Variants in TFEB observed in about 807,000 individuals in gnomAD.
TFEB encodes the protein T-cell transcription factor EB.
Under a neutral mutation model 48.0 loss-of-function variants are expected in TFEB, and 12 were observed. That is an observed-to-expected ratio of 0.25 (90% CI 0.16 to 0.40). TFEB has a LOEUF of 0.40. TFEB is among the 10% of genes least tolerant of loss of function. The pLI, the probability that TFEB is intolerant of heterozygous loss-of-function variation, is 1.00. For missense variants in TFEB, 509 were observed against 640.3 expected (o/e 0.79, Z 2.21); for synonymous variants, 244 against 261.4 (o/e 0.93, Z 0.64).
chr6:41,733,636 T>A (rs1464750457), intron 1 of TFEB: 1 of 985,238 alleles, frequency 1.0e-6, no homozygotes, highest in Non-Finnish European at 1.2e-6. Flanking sequence ...GTCCTGGGGC[T>A]GGGGTCACCG....
chr6:41,701,111 CTCTT>C (rs1769896495), intron 1 of TFEB, among the ~76,000 whole-genome samples: 1 of 152,276 alleles, frequency 6.6e-6, no homozygotes, highest in Non-Finnish European at 1.5e-5. Flanking sequence ...GTGTCTGCTT[CTCTT>C]TCTCTCTTCT....
chr6:41,690,634 G>A, intron 3 of TFEB, 29 bp downstream of exon 3: 1 of 1,497,364 alleles, frequency 6.7e-7, no homozygotes, highest in Non-Finnish European at 8.9e-7. Context: ...TCTGCAAGCA[G>A]CATGGCCACT....
intron 8 of TFEB, among the ~76,000 whole-genome samples, chr6:41,685,733 G>A (rs1048702752): frequency 6.6e-6 from 1 of 152,212 alleles, no homozygotes; most frequent in Non-Finnish European, 1.5e-5. Context: ...TGAGGTTAGA[G>A]TACTTGTAGA....
At chr6:41,714,149 G>A (rs1318852279) in intron 1 of TFEB, among the ~76,000 whole-genome samples, 1 of 146,368 alleles carries the variant, frequency 6.8e-6, no homozygotes, top group Non-Finnish European at 1.5e-5. Context: ...GCGTGTGTGT[G>A]CATGTGCATG....
chr6:41,726,071 T>C (rs928675861), intron 1 of TFEB, among the ~76,000 whole-genome samples: 3 of 152,140 alleles, frequency 2.0e-5, no homozygotes, highest in Non-Finnish European at 2.9e-5. Flanking sequence ...ATCGCGCCAC[T>C]GCACTCCAGC....
chr6:41,729,624 C>T (rs1005408856), intron 1 of TFEB, among the ~76,000 whole-genome samples: 5 of 152,190 alleles, frequency 3.3e-5, no homozygotes, highest in African/African-American at 9.7e-5. Flanking sequence ...CTTGTTTGTC[C>T]GCCTCATCCT....
chr6:41,696,550 C>T (rs974976108), intron 1 of TFEB, among the ~76,000 whole-genome samples: 10 of 151,900 alleles, frequency 6.6e-5, no homozygotes, highest in Admixed American at 2.0e-4. Context: ...AAAAATTAGC[C>T]GGGCGTGGTG....
chr6:41,733,847 C>T, intron 1 of TFEB: 1 of 985,684 alleles, frequency 1.0e-6, no homozygotes, highest in Non-Finnish European at 1.2e-6. Context: ...CGAGCGCATC[C>T]GCATCTGTCC....
At position 41,730,263 on chromosome 6, in the gene TFEB, A is replaced by G. The variant is rs928258366; in HGVS notation, c.-23+5087T>C. 2.6e-5 allele frequency among the ~76,000 whole-genome samples: 4 copies of G among 152,204 alleles called. No homozygotes were observed. The highest frequency in any genetic ancestry group is 4.4e-5 in the Non-Finnish European group (3 of 68,032). ...GGAACAGTGCCCCGGTCTCTCTGAA[A>G]TGTGTGCCCTGATGGAGGGAAAGAT... On this transcript the variant is annotated intron_variant, in intron 1 of 8. Transcript: ENST00000373033. The surrounding 1 kb of genome is among the most constrained non-coding windows in gnomAD (Gnocchi z 4.1).
intron 1 of TFEB, among the ~76,000 whole-genome samples, chr6:41,716,327 C>T (rs1770732994): frequency 6.6e-6 from 1 of 152,240 alleles, no homozygotes; most frequent in African/African-American, 2.4e-5. Context: ...GTAGCTGTCA[C>T]AAGCACCATA....
At chr6:41,713,790 A>C (rs1438537999) in intron 1 of TFEB, among the ~76,000 whole-genome samples, 1 of 152,184 alleles carries the variant, frequency 6.6e-6, no homozygotes, top group Non-Finnish European at 1.5e-5. Flanking sequence ...CTGGCTAGAC[A>C]TGTGGCACCC....
intron 1 of TFEB, among the ~76,000 whole-genome samples, chr6:41,714,203 G>GC (rs773626643): frequency 2.6e-5 from 4 of 152,034 alleles, no homozygotes; most frequent in Non-Finnish European, 5.9e-5. Context: ...GCATGTGCGT[G>GC]CATGTGCGTG....
intron 1 of TFEB, among the ~76,000 whole-genome samples, chr6:41,697,508 C>A (rs1399050033): frequency 1.3e-5 from 2 of 150,792 alleles, no homozygotes. Flanking sequence ...TCCAAACCCC[C>A]CCCCTTCCCC....
At chr6:41,714,133 A>ATG (rs1335537884) in intron 1 of TFEB, among the ~76,000 whole-genome samples, 3 of 116,832 alleles carry the variant, frequency 2.6e-5, no homozygotes, top group Admixed American at 1.7e-4. Flanking sequence ...GTGCGTGTGC[A>ATG]TGTGTGCGTG....
intron 7 of TFEB, chr6:41,686,781 G>C: frequency 2.4e-6 from 1 of 412,858 alleles, no homozygotes; most frequent in South Asian, 2.6e-5. Context: ...TTCCCACAGT[G>C]CTGGGATTAT....
At chr6:41,719,959 C>A (rs1429425532) in intron 1 of TFEB, among the ~76,000 whole-genome samples, 1 of 152,140 alleles carries the variant, frequency 6.6e-6, no homozygotes, top group Admixed American at 6.5e-5. Context: ...GACCTGCATT[C>A]GGTTGTTGTA....
chr6:41,711,358 C>T (rs1297478672), intron 1 of TFEB, among the ~76,000 whole-genome samples: 6 of 152,170 alleles, frequency 3.9e-5, no homozygotes, highest in South Asian at 2.1e-4. Flanking sequence ...CTGGGCTCAA[C>T]GTCCCCACCG....
intron 1 of TFEB, among the ~76,000 whole-genome samples, chr6:41,696,288 T>C (rs1302388584): frequency 6.6e-6 from 1 of 152,186 alleles, no homozygotes; most frequent in African/African-American, 2.4e-5. Context: ...CTCCTATGCA[T>C]GCCCACCAGA....
intron 1 of TFEB, among the ~76,000 whole-genome samples, chr6:41,694,890 A>G (rs1259700420): frequency 6.6e-6 from 1 of 151,718 alleles, no homozygotes; most frequent in African/African-American, 2.4e-5. Context: ...CCTCCTCCTG[A>G]GAGGAAGGGT....
Sources: gnomAD v4.1 joint callset for allele counts (sites outside exome capture counted in the v4.1 genomes callset) on GRCh38, gnomAD v4.1.1 for gene constraint, Gnocchi (gnomAD v3.1) non-coding constraint, MANE v1.5 for transcripts, NCBI Gene and HGNC (gene_info 2026-07-23, HGNC 2026-07-21) for gene names.